DDAH1: variants seen among roughly 807,000 people sequenced by gnomAD.
The protein encoded by DDAH1 is N(G),N(G)-dimethylarginine dimethylaminohydrolase 1.
In DDAH1, 19 loss-of-function variants were observed where a neutral mutation model predicts 28.8. The observed-to-expected ratio is 0.66, with a 90% CI of 0.46 to 0.97. DDAH1 has a LOEUF of 0.97. Among genes scored for constraint, DDAH1 ranks in the 50% least tolerant of loss-of-function variants. The pLI, the probability that DDAH1 is intolerant of heterozygous loss-of-function variation, is 0.00. For missense variants in DDAH1, 326 were observed against 375.9 expected (o/e 0.87, Z 1.10); for synonymous variants, 153 against 154.4 (o/e 0.99, Z 0.07).
intron 2 of DDAH1, among the ~76,000 whole-genome samples, chr1:85,493,266 T>C (rs1656467554): frequency 1.3e-5 from 2 of 152,172 alleles, no homozygotes; most frequent in Non-Finnish European, 2.9e-5. Context: ...AGTCAAATCC[T>C]ATGTGTTAAA....
chr1:85,331,270 T>A (rs1290202884), intron 4 of DDAH1, among the ~76,000 whole-genome samples: 1 of 152,218 alleles, frequency 6.6e-6, no homozygotes, highest in Non-Finnish European at 1.5e-5. Context: ...AATTATGTTT[T>A]AAAAAATCCT....
At chr1:85,491,016 T>G (rs955739657) in intron 2 of DDAH1, among the ~76,000 whole-genome samples, 2 of 150,412 alleles carry the variant, frequency 1.3e-5, no homozygotes, top group African/African-American at 4.9e-5. Flanking sequence ...TACACTTCCC[T>G]CTCTTCTAAT....
chr1:85,391,124 T>TAGA (rs144117867), intron 1 of DDAH1, among the ~76,000 whole-genome samples: 1 of 152,338 alleles, frequency 6.6e-6, no homozygotes. Context: ...TAACCTGACT[T>TAGA]ATTCTGCTCC....
intron 1 of DDAH1, among the ~76,000 whole-genome samples, chr1:85,371,082 A>G (rs1438213083): frequency 1.3e-5 from 2 of 152,222 alleles, no homozygotes; most frequent in Admixed American, 1.3e-4. Flanking sequence ...GACATTGCTC[A>G]TTCATTACTG....
upstream of DDAH1, among the ~76,000 whole-genome samples, chr1:85,466,546 GC>G (rs1655388353): frequency 6.6e-6 from 1 of 152,204 alleles, no homozygotes; most frequent in Non-Finnish European, 1.5e-5. Context: ...ACCACGCCCT[GC>G]CCAAATTTGA....
chr1:85,483,428 T>C (rs918756902), intron 2 of DDAH1, among the ~76,000 whole-genome samples: 5 of 152,166 alleles, frequency 3.3e-5, no homozygotes, highest in Admixed American at 6.5e-5. Flanking sequence ...CTTCAAAACC[T>C]GATTGGCTCG....
At chr1:85,514,973 G>A (rs536549721) in intron 1 of DDAH1, among the ~76,000 whole-genome samples, 4 of 150,608 alleles carry the variant, frequency 2.7e-5, no homozygotes, top group African/African-American at 7.3e-5. Context: ...ATTGCTAGAG[G>A]AATATCATTG....
intron 1 of DDAH1, among the ~76,000 whole-genome samples, chr1:85,547,625 G>A (rs1470585820): frequency 6.6e-6 from 1 of 152,122 alleles, no homozygotes; most frequent in Non-Finnish European, 1.5e-5. Flanking sequence ...TAAGTTCCTC[G>A]AAGTGACAAA....
chr1:85,465,184 C>G (rs937683953), upstream of DDAH1: 7 of 1,138,690 alleles, frequency 6.1e-6, no homozygotes, highest in Non-Finnish European at 7.5e-6. Context: ...CCAGCTCGCG[C>G]CCGGAGCCCT....
chr1:85,443,101 T>C (rs10782550), intron 1 of DDAH1, among the ~76,000 whole-genome samples: 24,259 of 152,154 alleles, frequency 0.16, 2,354 homozygotes, highest in Middle Eastern at 0.24. Flanking sequence ...AGTCCTTGCC[T>C]ATGCCTATGT....
At chr1:85,416,054 C>A (rs1652871589) in intron 1 of DDAH1, among the ~76,000 whole-genome samples, 1 of 151,876 alleles carries the variant, frequency 6.6e-6, no homozygotes, top group South Asian at 2.1e-4. Flanking sequence ...AATAAAATAA[C>A]CCCTTAATTT....
intron 1 of DDAH1, among the ~76,000 whole-genome samples, chr1:85,454,328 C>T (rs909539004): frequency 2.0e-5 from 3 of 152,208 alleles, no homozygotes; most frequent in African/African-American, 7.2e-5. Flanking sequence ...GAACTATGGA[C>T]TCATCACTAG....
chr1:85,513,050 C>T (rs1557709874), intron 1 of DDAH1, among the ~76,000 whole-genome samples: 1 of 152,258 alleles, frequency 6.6e-6, no homozygotes. Flanking sequence ...CAAGACAATC[C>T]TAAGCAGAAA....
rs1472607002 is a variant in DDAH1, at chr1:85,529,425, A to T, written c.-122-33144T>A. Reference sequence around the variant, plus strand: ...TATATATTTCAAAACTCCACACATGACAGTATAGATTCCCTGGACAGCAAA... The same window carrying T: ...TATATATTTCAAAACTCCACACATGTCAGTATAGATTCCCTGGACAGCAAA... On this transcript the variant is annotated intron_variant, in intron 1 of 6. Transcript: ENST00000426972. 1.3e-5 allele frequency among the ~76,000 whole-genome samples: 2 copies of T among 151,968 alleles called. 1 individual carries two copies. The highest frequency in any genetic ancestry group is 1.3e-4 in the Admixed American group (2 of 15,234).
chr1:85,342,845 A>T (rs1249323338), intron 4 of DDAH1, among the ~76,000 whole-genome samples: 2 of 152,210 alleles, frequency 1.3e-5, no homozygotes, highest in Non-Finnish European at 2.9e-5. Flanking sequence ...AGCTTTTAAA[A>T]AATGCAGATG....
At chr1:85,452,081 G>A (rs1015696969) in intron 1 of DDAH1, among the ~76,000 whole-genome samples, 5 of 151,870 alleles carry the variant, frequency 3.3e-5, no homozygotes, top group African/African-American at 9.7e-5. Context: ...TCTCTTCCTC[G>A]CCATCCCCTG....
intron 5 of DDAH1, among the ~76,000 whole-genome samples, chr1:85,322,787 A>G (rs1473627312): frequency 6.6e-6 from 1 of 152,126 alleles, no homozygotes; most frequent in African/African-American, 2.4e-5. Context: ...TATTAATACT[A>G]TTGTTATTTT....
chr1:85,502,098 T>C (rs1656840915), intron 1 of DDAH1, among the ~76,000 whole-genome samples: 1 of 152,210 alleles, frequency 6.6e-6, no homozygotes, highest in African/African-American at 2.4e-5. Flanking sequence ...TGAACATACT[T>C]AACACTTTAT....
chr1:85,563,616 A>C (rs1280365205), intron 1 of DDAH1, among the ~76,000 whole-genome samples: 12 of 152,248 alleles, frequency 7.9e-5, no homozygotes, highest in Non-Finnish European at 7.3e-5. Context: ...GACAAGGTAG[A>C]ATTCACAATG....
Sources: gnomAD v4.1 joint callset for allele counts (sites outside exome capture counted in the v4.1 genomes callset) on GRCh38, gnomAD v4.1.1 for gene constraint, MANE v1.5 for transcripts, NCBI Gene and HGNC (gene_info 2026-07-23, HGNC 2026-07-21) for gene names.